Variants in PTPN4 observed in about 807,000 individuals in gnomAD.
PTPN4 encodes protein tyrosine phosphatase non-receptor type 4, also known as tyrosine-protein phosphatase non-receptor type 4.
A neutral mutation model predicts 135.5 loss-of-function variants in PTPN4; 49 were observed. That is an observed-to-expected ratio of 0.36 (90% CI 0.29 to 0.46). The LOEUF is 0.46. Among genes scored for constraint, PTPN4 ranks in the 20% least tolerant of loss-of-function variants. The pLI is 1.00. For synonymous variants in PTPN4, 333 were observed against 369.9 expected (o/e 0.90, Z 1.14); for missense variants, 860 against 1,101.0 (o/e 0.78, Z 3.10).
chr2:119,912,790 G>A (rs1678593324), intron 10 of PTPN4, among the ~76,000 whole-genome samples: 2 of 151,906 alleles, frequency 1.3e-5, no homozygotes, highest in Non-Finnish European at 2.9e-5. Context: ...TAGTTTCAGG[G>A]GCAGCATCAC....
At chr2:119,882,469 T>G in intron 7 of PTPN4, 34 bp from the exon 8 acceptor site, 1 of 1,462,184 alleles carries the variant, frequency 6.8e-7, no homozygotes, top group South Asian at 1.3e-5. Context: ...AAAATTTGTT[T>G]ATTAAAATGT....
intron 8 of PTPN4, among the ~76,000 whole-genome samples, chr2:119,883,605 G>T (rs891512406): frequency 1.3e-5 from 2 of 152,128 alleles, no homozygotes. Flanking sequence ...TTGCGTATTG[G>T]CTAAGAGTCT....
intron 1 of PTPN4, among the ~76,000 whole-genome samples, chr2:119,763,754 G>A (rs1357664602): frequency 1.3e-5 from 2 of 152,188 alleles, no homozygotes; most frequent in Non-Finnish European, 2.9e-5. Flanking sequence ...CACTTAAAAT[G>A]TGACGAGTGT....
chr2:119,948,424 C>A (rs1194055718), intron 18 of PTPN4, among the ~76,000 whole-genome samples: 2 of 151,656 alleles, frequency 1.3e-5, no homozygotes, highest in African/African-American at 4.8e-5. Context: ...TATAACTTTG[C>A]TAAAAACAAA....
chr2:119,866,615 G>T (rs901707182), intron 3 of PTPN4, among the ~76,000 whole-genome samples: 2 of 152,032 alleles, frequency 1.3e-5, no homozygotes, highest in Admixed American at 1.3e-4. Context: ...AACCCAGTAT[G>T]CTGTTAATTA....
chr2:119,772,331 T>A (rs765056265), intron 1 of PTPN4, among the ~76,000 whole-genome samples: 39 of 152,374 alleles, frequency 2.6e-4, no homozygotes, highest in Admixed American at 4.6e-4. Flanking sequence ...TTATGGCTTT[T>A]GATCTGTGTT....
In PTPN4 at chr2:119,981,419, CTA is replaced by C. The variant is rs1221178344; in HGVS notation, c.*4351_*4352del. On this transcript the variant is annotated 3_prime_UTR_variant, in exon 27 of 27. Transcript: ENST00000263708. Reference sequence around the variant, plus strand: ...GTGGTGCTTCCTCCAAGTGAAATAACTATGTTATTAAAACCTACTGGATTAAT... The same window carrying C: ...GTGGTGCTTCCTCCAAGTGAAATAACTGTTATTAAAACCTACTGGATTAAT... 1 of 152,008 alleles carries C rather than the reference CTA, an allele frequency of 6.6e-6. No homozygotes were observed. Among genetic ancestry groups the C allele is most frequent in the African/African-American group, 2.4e-5 (1 of 41,430 alleles). 9.4% of individuals were successfully genotyped at this position (152,008 alleles called of 1,614,324 possible). A position where few individuals can be genotyped will look rare whatever the true frequency, so the allele number is the denominator to read the frequency against.
chr2:119,915,802 C>A (rs376703347), intron 11 of PTPN4: 6 of 152,150 alleles, frequency 3.9e-5, no homozygotes, highest in African/African-American at 1.4e-4. Context: ...CTTTGATGTA[C>A]ATTATTTCTT....
intron 2 of PTPN4, among the ~76,000 whole-genome samples, chr2:119,845,490 CATT>C (rs1168858440): frequency 1.3e-5 from 2 of 152,106 alleles, no homozygotes; most frequent in Admixed American, 6.5e-5. Context: ...ATTTCATCTA[CATT>C]ATCTATCGGC....
At chr2:119,785,885 G>C (rs751704799) in intron 1 of PTPN4, among the ~76,000 whole-genome samples, 20 of 152,088 alleles carry the variant, frequency 1.3e-4, no homozygotes, top group Non-Finnish European at 2.6e-4. Context: ...AGAGGTGTAG[G>C]ATTCTGCAGT....
At chr2:119,893,914 A>AC (rs2105010449) in intron 9 of PTPN4, among the ~76,000 whole-genome samples, 2 of 152,190 alleles carry the variant, frequency 1.3e-5, no homozygotes, top group South Asian at 4.1e-4. Context: ...GAAAAAAAAA[A>AC]CAAAAACGGA....
rs560170775 is a variant in PTPN4 at position 119,847,237 on chromosome 2, A to G, written c.139-15299A>G. On this transcript the variant is annotated intron_variant, in intron 2 of 26. Transcript: ENST00000263708. The stretch of plus-strand genomic sequence containing the variant: ...CATATGGTTTTATACTATTTATACT[A>G]TAATAAATCAGTTAAGAAAAAAAGG... 1.9e-4 allele frequency among the ~76,000 whole-genome samples: 28 copies of G among 147,398 alleles called. 1 individual carries two copies. In the South Asian group the frequency reaches 5.1e-3, roughly 27 times the overall value.
intron 2 of PTPN4, among the ~76,000 whole-genome samples, chr2:119,824,514 A>G (rs930231692): frequency 6.6e-5 from 10 of 152,070 alleles, no homozygotes; most frequent in Non-Finnish European, 1.5e-5. Context: ...TGTTCTATCA[A>G]TTATCGAGAG....
intron 2 of PTPN4, among the ~76,000 whole-genome samples, chr2:119,816,979 A>G (rs1676996518): frequency 6.6e-6 from 1 of 152,208 alleles, no homozygotes; most frequent in South Asian, 2.1e-4. Flanking sequence ...AATGGGTCAC[A>G]GATCCATGTA....
chr2:119,939,004 C>T (rs947975986), intron 15 of PTPN4, among the ~76,000 whole-genome samples: 1 of 152,126 alleles, frequency 6.6e-6, no homozygotes, highest in East Asian at 1.9e-4. Flanking sequence ...ATTAGGTGAC[C>T]TTTGGTGAGT....
chr2:119,761,440 T>C (rs574341721), intron 1 of PTPN4, among the ~76,000 whole-genome samples: 1 of 152,304 alleles, frequency 6.6e-6, no homozygotes, highest in Admixed American at 6.5e-5. Context: ...GAGCTAGGTA[T>C]ATCATCTAAA....
chr2:119,773,131 T>C (rs943537354), intron 1 of PTPN4, among the ~76,000 whole-genome samples: 11 of 152,230 alleles, frequency 7.2e-5, no homozygotes, highest in African/African-American at 2.7e-4. Context: ...TCATTTCTTA[T>C]ATTCTTCAAA....
At chr2:119,911,719 T>C (rs1246294360) in intron 10 of PTPN4, among the ~76,000 whole-genome samples, 1 of 152,016 alleles carries the variant, frequency 6.6e-6, no homozygotes, top group East Asian at 1.9e-4. Context: ...ATGGCTTTCC[T>C]TGTAGATAAG....
chr2:119,861,339 T>C (rs1220904808), intron 2 of PTPN4, among the ~76,000 whole-genome samples: 1 of 152,210 alleles, frequency 6.6e-6, no homozygotes, highest in African/African-American at 2.4e-5. Context: ...AAAGGTCCTG[T>C]CTCTCAAAAT....
Sources: gnomAD v4.1 joint callset for allele counts (sites outside exome capture counted in the v4.1 genomes callset) on GRCh38, gnomAD v4.1.1 for gene constraint, MANE v1.5 for transcripts, NCBI Gene and HGNC (gene_info 2026-07-23, HGNC 2026-07-21) for gene names.